MRPL1: variants seen among roughly 807,000 people sequenced by gnomAD.
The protein encoded by MRPL1 is mitochondrial ribosomal protein L1, also known as large ribosomal subunit protein uL1m.
Under a neutral mutation model 38.0 loss-of-function variants are expected in MRPL1, and 28 were observed. The observed-to-expected ratio is 0.74, with a 90% CI of 0.55 to 1.01. MRPL1 has a LOEUF of 1.01. Among genes scored for constraint, MRPL1 ranks in the 50% least tolerant of loss-of-function variants. The probability of loss-of-function intolerance (pLI) is 0.00; values close to 1 mark genes in which losing one functional copy is unlikely to be tolerated. For missense variants in MRPL1, 358 were observed against 389.8 expected, an observed-to-expected ratio of 0.92 and a Z score of 0.69; for synonymous variants, 123 against 126.7, an observed-to-expected ratio of 0.97 and a Z score of 0.20.
At chr4:77,945,163 TTATTATTAC>T (rs59167405) in intron 7 of MRPL1, among the ~76,000 whole-genome samples, 2,754 of 146,786 alleles carry the variant, frequency 0.019, 81 homozygotes, top group African/African-American at 0.06. Context: ...ATTATTATTA[TTATTATTAC>T]TACTACTACT....
chr4:77,946,894 T>G (rs1330448751), intron 7 of MRPL1, among the ~76,000 whole-genome samples: 2 of 152,118 alleles, frequency 1.3e-5, no homozygotes, highest in African/African-American at 4.8e-5. Flanking sequence ...GTTCTTTGTG[T>G]GCATTTTTCT....
rs146792115 is a variant in MRPL1, at chr4:77,883,186, TAAA to T, written c.144-50_144-48del. 5.8e-3 allele frequency: 6,480 copies of T among 1,112,036 alleles called. 1 individual carries two copies. Among genetic ancestry groups the T allele is most frequent in the East Asian group, 0.013 (429 of 34,314 alleles). 68.9% of individuals were successfully genotyped at this position (1,112,036 alleles called of 1,614,324 possible). ...CTCTTATGTACACTGGCTTTTTTTTTAAAAAAAATCTCTTAGGATATATATTGA... is the reference window on the plus strand; with the variant it reads ...CTCTTATGTACACTGGCTTTTTTTTTAAAAATCTCTTAGGATATATATTGA... On this transcript the variant is annotated intron_variant, in intron 2 of 8. Coordinates refer to ENST00000315567, the MANE Select transcript of MRPL1 (RefSeq NM_020236.4).
intron 2 of MRPL1, among the ~76,000 whole-genome samples, chr4:77,872,997 C>T (rs1025349145): frequency 6.6e-6 from 1 of 152,156 alleles, no homozygotes; most frequent in African/African-American, 2.4e-5. Context: ...TGCGCCACTA[C>T]ACTCTAGCCT....
At chr4:77,949,296 G>T (rs1737351695) in intron 7 of MRPL1, among the ~76,000 whole-genome samples, 1 of 152,150 alleles carries the variant, frequency 6.6e-6, no homozygotes, top group African/African-American at 2.4e-5. Context: ...AATTGTTATT[G>T]CATAGTGTTT....
intron 7 of MRPL1, among the ~76,000 whole-genome samples, chr4:77,942,327 T>C (rs1737155740): frequency 6.6e-6 from 1 of 152,204 alleles, no homozygotes; most frequent in Admixed American, 6.5e-5. Flanking sequence ...ATGAATGGAA[T>C]GTATATTCTG....
chr4:77,940,382 TTTACA>T (rs1264575186), intron 7 of MRPL1, among the ~76,000 whole-genome samples: 1 of 152,204 alleles, frequency 6.6e-6, no homozygotes, highest in Non-Finnish European at 1.5e-5. Context: ...TACTGATTTG[TTTACA>T]TTAATGTTGT....
At chr4:77,866,896 T>A (rs1735160157) in intron 1 of MRPL1, among the ~76,000 whole-genome samples, 1 of 151,876 alleles carries the variant, frequency 6.6e-6, no homozygotes, top group Admixed American at 6.6e-5. Flanking sequence ...TACAGGCGCC[T>A]GTCACAACGG....
chr4:77,873,601 A>G (rs756504837), intron 2 of MRPL1, among the ~76,000 whole-genome samples: 9 of 152,340 alleles, frequency 5.9e-5, no homozygotes, highest in Middle Eastern at 3.4e-3. Context: ...ATATCAGACA[A>G]CTGTGCCTCA....
intron 2 of MRPL1, among the ~76,000 whole-genome samples, chr4:77,880,116 A>G (rs1309339807): frequency 6.6e-6 from 1 of 152,212 alleles, no homozygotes; most frequent in African/African-American, 2.4e-5. Context: ...AATTACCACA[A>G]ACTTTGAGGC....
At chr4:77,915,232 C>A (rs1165994292) in intron 7 of MRPL1, among the ~76,000 whole-genome samples, 2 of 152,154 alleles carry the variant, frequency 1.3e-5, no homozygotes, top group Non-Finnish European at 2.9e-5. Context: ...AGTTTTCCTT[C>A]TGTATCAATG....
At chr4:77,917,172 C>T (rs1046285214) in intron 7 of MRPL1, among the ~76,000 whole-genome samples, 3 of 152,076 alleles carry the variant, frequency 2.0e-5, no homozygotes, top group Non-Finnish European at 4.4e-5. Flanking sequence ...TTTTCATATT[C>T]CTAGCCCCAC....
intron 7 of MRPL1, among the ~76,000 whole-genome samples, chr4:77,942,122 A>G (rs1044621422): frequency 2.0e-5 from 3 of 152,024 alleles, no homozygotes; most frequent in African/African-American, 7.2e-5. Flanking sequence ...TCTTGATTTT[A>G]TTGTTAACCC....
intron 6 of MRPL1, chr4:77,908,333 A>G: frequency 6.1e-6 from 1 of 164,498 alleles, no homozygotes; most frequent in Non-Finnish European, 1.3e-5. Flanking sequence ...CCCGAGTTCA[A>G]GCAATTCTCC....
chr4:77,862,908 A>G, intron 1 of MRPL1, 29 bp downstream of exon 1: 1 of 1,613,936 alleles, frequency 6.2e-7, no homozygotes, highest in Non-Finnish European at 8.5e-7. Context: ...TTGCAGGGGA[A>G]ATGGCTCTGG....
intron 2 of MRPL1, among the ~76,000 whole-genome samples, chr4:77,882,441 C>G (rs1426681200): frequency 6.6e-6 from 1 of 152,164 alleles, no homozygotes; most frequent in East Asian, 1.9e-4. Context: ...ATTTTCATTG[C>G]TTTCCCAGAG....
chr4:77,925,893 A>G lies in MRPL1; in HGVS notation c.777+16521A>G, dbSNP rs537222891. 7.9e-5 allele frequency among the ~76,000 whole-genome samples: 12 copies of G among 152,192 alleles called. 1 individual carries two copies. In the East Asian group the frequency reaches 1.9e-3, roughly 24 times the overall value. On this transcript the variant is annotated intron_variant, in intron 7 of 8. Coordinates refer to ENST00000315567, the MANE Select transcript of MRPL1 (RefSeq NM_020236.4). ...GAAGAATGCATCCTTTGTAGTTTCT[A>G]TTTTTTAAAATATCTTGAGACTTTC... is the stretch of plus-strand genomic sequence containing the variant.
rs34937602 is a variant in MRPL1, at chr4:77,919,849, A to ATATGTG, written c.777+10478_777+10479insATGTGT. Among the ~76,000 whole-genome samples, 387 of 149,458 alleles carry ATATGTG rather than the reference A, an allele frequency of 2.6e-3. 4 individuals carry two copies. Among genetic ancestry groups the ATATGTG allele is most frequent in the East Asian group, 0.011 (54 of 5,118 alleles). On this transcript the variant is annotated intron_variant, in intron 7 of 8. Coordinates refer to ENST00000315567, the MANE Select transcript of MRPL1 (RefSeq NM_020236.4). ...TCAGATCCATGTTATATATATATAT[A>ATATGTG]TGTGTGTGTGTGTGTGTGTTTTCTA...
At chr4:77,882,843 A>G (rs949639103) in intron 2 of MRPL1, among the ~76,000 whole-genome samples, 1 of 152,214 alleles carries the variant, frequency 6.6e-6, no homozygotes, top group African/African-American at 2.4e-5. Flanking sequence ...GGGTGCTAAC[A>G]CTTCCTTATC....
chr4:77,876,654 T>C (rs997244840), intron 2 of MRPL1, among the ~76,000 whole-genome samples: 2 of 152,224 alleles, frequency 1.3e-5, no homozygotes, highest in Admixed American at 1.3e-4. Context: ...GTATTGACTT[T>C]ATAATACACT....
Sources: gnomAD v4.1 joint callset for allele counts (sites outside exome capture counted in the v4.1 genomes callset) on GRCh38, gnomAD v4.1.1 for gene constraint, MANE v1.5 for transcripts, NCBI Gene and HGNC (gene_info 2026-07-23, HGNC 2026-07-21) for gene names.